The following FDFT1 variants were observed in gnomAD, a reference collection of about 807,000 sequenced individuals.
The protein encoded by FDFT1 is farnesyl-diphosphate farnesyltransferase 1, also known as squalene synthase.
FDFT1 carries 68 observed loss-of-function variants against 46.8 expected under a neutral mutation model. That is an observed-to-expected ratio of 1.45 (90% CI 1.19 to 1.78). The LOEUF is 1.78. FDFT1 is among the 40% of genes most tolerant of loss of function. FDFT1 has a pLI of 0.00. For synonymous variants in FDFT1, 351 were observed against 185.1 expected (o/e 1.90, Z -7.28); for missense variants, 928 against 524.4 (o/e 1.77, Z -7.52).
At chr8:11,833,479 A>G (rs1432101292) in intron 7 of FDFT1, among the ~76,000 whole-genome samples, 1 of 152,254 alleles carries the variant, frequency 6.6e-6, no homozygotes, top group Non-Finnish European at 1.5e-5. Flanking sequence ...TTGGTTTTGC[A>G]GTTTGATCAC....
intron 1 of FDFT1, 173 bp downstream of exon 1, chr8:11,803,104 G>GTGA: frequency 7.0e-7 from 1 of 1,435,536 alleles, no homozygotes; most frequent in African/African-American, 1.4e-5. Flanking sequence ...CCGGGTGGAC[G>GTGA]CGGCCGTCCT....
intron 7 of FDFT1, among the ~76,000 whole-genome samples, chr8:11,832,614 C>T (rs961226120): frequency 1.4e-5 from 2 of 139,840 alleles, no homozygotes; most frequent in Admixed American, 7.7e-5. Context: ...CTCTAATAAT[C>T]TCTAGGCCCT....
intron 4 of FDFT1, among the ~76,000 whole-genome samples, chr8:11,825,638 G>C (rs76839262): frequency 2.6e-5 from 4 of 151,384 alleles, no homozygotes; most frequent in Non-Finnish European, 5.9e-5. Context: ...AGATTGCTTG[G>C]GTCCAGTAGT....
chr8:11,825,829 G>C (rs563310141), intron 4 of FDFT1, among the ~76,000 whole-genome samples, 195 bp from the exon 5 acceptor site: 30 of 152,278 alleles, frequency 2.0e-4, no homozygotes, highest in Middle Eastern at 3.4e-3. Context: ...GTCAGCCAGA[G>C]ACTGCTATGA....
chr8:11,809,293 T>C (rs1470205646), intron 2 of FDFT1: 1 of 1,095,866 alleles, frequency 9.1e-7, no homozygotes, highest in African/African-American at 1.7e-5. Context: ...GTTGCCTTTA[T>C]GTATGATCGT....
intron 4 of FDFT1, among the ~76,000 whole-genome samples, chr8:11,822,982 G>A (rs1809468722): frequency 6.6e-6 from 1 of 152,202 alleles, no homozygotes. Flanking sequence ...TTTGAGACAG[G>A]GTCTTGCTGT....
intron 1 of FDFT1, among the ~76,000 whole-genome samples, chr8:11,796,775 GCAAGCCC>G (rs1563280872): frequency 6.6e-6 from 1 of 152,234 alleles, no homozygotes; most frequent in East Asian, 1.9e-4. Flanking sequence ...TGCAGGACAG[GCAAGCCC>G]CAAATTGGGC....
chr8:11,838,117 G>T (rs1811790733), intron 7 of FDFT1, among the ~76,000 whole-genome samples: 1 of 152,190 alleles, frequency 6.6e-6, no homozygotes, highest in Non-Finnish European at 1.5e-5. Context: ...GATCATTGTG[G>T]CTCAGCCGCT....
At chr8:11,827,890 CAAAA>C (rs748521756) in intron 5 of FDFT1, among the ~76,000 whole-genome samples, 6 of 144,992 alleles carry the variant, frequency 4.1e-5, no homozygotes, top group African/African-American at 5.1e-5. Flanking sequence ...CAAAACAAAA[CAAAA>C]CAAAACAAAA....
intron 3 of FDFT1, among the ~76,000 whole-genome samples, chr8:11,818,641 T>A (rs186696585): frequency 6.6e-6 from 1 of 152,312 alleles, no homozygotes; most frequent in East Asian, 1.9e-4. Context: ...CTTTTGATCT[T>A]AGTTGGTTTA....
chr8:11,808,724 C>G, intron 1 of FDFT1, 70 bp from the exon 2 acceptor site: 1 of 1,559,860 alleles, frequency 6.4e-7, no homozygotes, highest in African/African-American at 1.4e-5. Context: ...ACTCCCACTC[C>G]CACTCCCACT....
In FDFT1 at chr8:11,802,884, C is replaced by T. The variant is rs1382913909; in HGVS notation, c.52C>T (p.Arg18Cys). 5 of 1,612,206 alleles carry T rather than the reference C, an allele frequency of 3.1e-6. No individual in the cohort carries two copies. The highest frequency in any genetic ancestry group is 2.2e-5 in the South Asian group (2 of 90,666). The change falls in exon 1 of 8, where the codon CGC becomes TGC. Residue 18 changes from arginine to cysteine, a missense_variant. Physicochemically the swap from Arg to Cys is radical, Grantham distance 180. Coordinates refer to ENST00000220584, the MANE Select transcript of FDFT1 (RefSeq NM_004462.5). Reference sequence around the variant, plus strand: ...CCCCGAAGAGTTCTACAACCTGGTGCGCTTCCGGATCGGGGGCAAGCGGAA... The same window carrying T: ...CCCCGAAGAGTTCTACAACCTGGTGTGCTTCCGGATCGGGGGCAAGCGGAA... ...GHPEEFYNLV[R>C]FRIGGKRKVM...
upstream of FDFT1, chr8:11,798,072 G>GTGTTTTTATATT (rs1805742313): frequency 6.6e-6 from 1 of 152,002 alleles, no homozygotes; most frequent in Admixed American, 6.6e-5. Flanking sequence ...AATCAAGTGT[G>GTGTTTTTATATT]TGTTTTTATT....
chr8:11,808,115 T>G, intron 1 of FDFT1: 1 of 325,626 alleles, frequency 3.1e-6, no homozygotes, highest in Non-Finnish European at 4.5e-6. Context: ...AGTTGGGGGA[T>G]TCTGGTCAAA....
chr8:11,808,732 A>C (rs1257109969), intron 1 of FDFT1, 62 bp from the exon 2 acceptor site: 2 of 1,559,982 alleles, frequency 1.3e-6, no homozygotes, highest in African/African-American at 3.3e-5. Context: ...TCCCACTCCC[A>C]CTCCCACTCC....
At chr8:11,823,655 C>G (rs61690662) in intron 4 of FDFT1, among the ~76,000 whole-genome samples, 2 of 152,118 alleles carry the variant, frequency 1.3e-5, no homozygotes, top group East Asian at 1.9e-4. Flanking sequence ...GCAGCCTTGA[C>G]CTTCTGGGCT....
chr8:11,838,912 C>T lies in FDFT1; in HGVS notation c.*303C>T. 1 of 376,574 alleles carries T rather than the reference C, an allele frequency of 2.7e-6. No individual in the cohort carries two copies. Among genetic ancestry groups the T allele is most frequent in the Non-Finnish European group, 4.9e-6 (1 of 204,132 alleles). 23.3% of individuals were successfully genotyped at this position (376,574 alleles called of 1,614,324 possible). ...CTGCATATGTGACTGTCATGAGATC[C>T]TACTTAGTATGATCCTGGCTAGAAT... On this transcript the variant is annotated 3_prime_UTR_variant, in exon 8 of 8. Transcript: ENST00000220584.
upstream of FDFT1, among the ~76,000 whole-genome samples, chr8:11,798,818 A>C (rs1260771913): frequency 1.3e-5 from 2 of 152,254 alleles, no homozygotes; most frequent in Non-Finnish European, 2.9e-5. Context: ...GAGCAAAACA[A>C]AGGTGTGTCG....
At chr8:11,830,456 T>C in intron 6 of FDFT1, 36 bp downstream of exon 6, 1 of 1,477,084 alleles carries the variant, frequency 6.8e-7, no homozygotes, top group Non-Finnish European at 9.5e-7. Context: ...GATACGGGGC[T>C]AAAGGGAGTG....
Sources: gnomAD v4.1 joint callset for allele counts (sites outside exome capture counted in the v4.1 genomes callset) on GRCh38, gnomAD v4.1.1 for gene constraint, MANE v1.5 for transcripts, NCBI Gene and HGNC (gene_info 2026-07-23, HGNC 2026-07-21) for gene names.